Variants in C12orf42 observed in about 807,000 individuals in gnomAD.
C12orf42 encodes the protein chromosome 12 open reading frame 42.
C12orf42 carries 25 observed loss-of-function variants against 21.6 expected under a neutral mutation model. The observed-to-expected ratio is 1.16, with a 90% CI of 0.84 to 1.62. The LOEUF is 1.62. Ranked by LOEUF, C12orf42 falls within the 40% of genes most tolerant of loss-of-function variation. C12orf42 has a pLI of 0.00. For missense variants in C12orf42, 483 were observed against 459.3 expected, an observed-to-expected ratio of 1.05 and a Z score of -0.47; for synonymous variants, 174 against 175.0, an observed-to-expected ratio of 0.99 and a Z score of 0.05.
At chr12:103,361,733 T>C (rs1159549395) in intron 4 of C12orf42, among the ~76,000 whole-genome samples, 1 of 151,988 alleles carries the variant, frequency 6.6e-6, no homozygotes, top group Non-Finnish European at 1.5e-5. Context: ...GACTGCCAGC[T>C]TTCCCCCACT....
At chr12:103,272,387 A>G (rs1173402529) in intron 5 of C12orf42, among the ~76,000 whole-genome samples, 1 of 152,110 alleles carries the variant, frequency 6.6e-6, no homozygotes, top group Non-Finnish European at 1.5e-5. Context: ...TTTACTCCCT[A>G]CCCAGCACCA....
At chr12:103,520,218 C>G in the C12orf42 span, among the ~76,000 whole-genome samples, 1 of 152,186 alleles carries the variant, frequency 6.6e-6, no homozygotes, top group Admixed American at 6.5e-5. Flanking sequence ...CATGTAGTCC[C>G]AGGCGAGGAC....
intron 10 of C12orf42, among the ~76,000 whole-genome samples, chr12:103,255,883 C>G (rs143443361): frequency 0.01 from 1,556 of 149,868 alleles, 25 homozygotes; most frequent in African/African-American, 0.036. Flanking sequence ...AACCCCGTCT[C>G]TACTAAAAAT....
the C12orf42 span, among the ~76,000 whole-genome samples, chr12:103,087,568 A>G: frequency 1.3e-5 from 2 of 152,246 alleles, no homozygotes; most frequent in East Asian, 3.8e-4. Flanking sequence ...GTTATCTGAG[A>G]GTGGTTTACA....
upstream of C12orf42, among the ~76,000 whole-genome samples, chr12:103,498,003 C>G (rs1955613231): frequency 6.6e-6 from 1 of 151,714 alleles, no homozygotes; most frequent in Non-Finnish European, 1.5e-5. Flanking sequence ...CCACTTCACT[C>G]CAGCCTGGGT....
At chr12:103,056,282 G>C in the C12orf42 span, among the ~76,000 whole-genome samples, 1,614 of 152,194 alleles carry the variant, frequency 0.011, 15 homozygotes, top group Non-Finnish European at 0.018. Flanking sequence ...GAAAAATATT[G>C]TGCTAGTTTT....
chr12:103,516,402 T>C, the C12orf42 span, among the ~76,000 whole-genome samples: 2 of 152,214 alleles, frequency 1.3e-5, no homozygotes, highest in Non-Finnish European at 2.9e-5. Context: ...AATAGCATTT[T>C]ATAAACATTA....
the C12orf42 span, among the ~76,000 whole-genome samples, chr12:103,086,911 T>C: frequency 6.2e-4 from 94 of 152,128 alleles, no homozygotes; most frequent in Non-Finnish European, 1.0e-3. Context: ...AGTTTGGAAG[T>C]TGGCAAACTA....
At chr12:103,143,554 C>G in the C12orf42 span, among the ~76,000 whole-genome samples, 1 of 152,202 alleles carries the variant, frequency 6.6e-6, no homozygotes, top group Non-Finnish European at 1.5e-5. Flanking sequence ...TCCCCACCCC[C>G]ATTGCTGGGA....
the C12orf42 span, among the ~76,000 whole-genome samples, chr12:103,551,536 GC>G: frequency 6.6e-6 from 1 of 152,056 alleles, no homozygotes; most frequent in Non-Finnish European, 1.5e-5. Context: ...AATATTAAAG[GC>G]TGGGCTTGGT....
At position 103,369,031 on chromosome 12, in the gene C12orf42, A is replaced by AAT. The variant is rs1172113151; in HGVS notation, c.148-34_148-33insAT. ...ATAGAGGAGAAAAATACACACAAAA[A>AAT]AATTAGGTCAATGGCTCCAGAATAA... On this transcript the variant is annotated intron_variant, in intron 3 of 5. Coordinates refer to ENST00000548883, the MANE Select transcript of C12orf42 (RefSeq NM_198521.5). 4 of 1,226,714 alleles carry AAT rather than the reference A, an allele frequency of 3.3e-6. No homozygotes were observed. In the African/African-American group the frequency reaches 6.1e-5, roughly 19 times the overall value. The allele number at this position is 1,226,714 out of a possible 1,614,324, so 76.0% of individuals were successfully genotyped here.
chr12:103,058,268 T>C, the C12orf42 span, among the ~76,000 whole-genome samples: 4 of 152,314 alleles, frequency 2.6e-5, no homozygotes, highest in East Asian at 3.9e-4. Context: ...GAGCTTTTTT[T>C]CATGTTTGTT....
the C12orf42 span, among the ~76,000 whole-genome samples, chr12:103,231,968 G>T: frequency 1.3e-5 from 2 of 152,130 alleles, no homozygotes; most frequent in African/African-American, 2.4e-5. Context: ...ATCCTTGTCA[G>T]CATTTGATGT....
the C12orf42 span, among the ~76,000 whole-genome samples, chr12:103,505,166 G>T: frequency 6.6e-5 from 10 of 152,144 alleles, no homozygotes; most frequent in Non-Finnish European, 1.5e-4. Context: ...TTTAACAATG[G>T]ATGAGAACAG....
At chr12:103,406,325 G>A (rs1190583234) in intron 2 of C12orf42, among the ~76,000 whole-genome samples, 1 of 152,194 alleles carries the variant, frequency 6.6e-6, no homozygotes, top group Non-Finnish European at 1.5e-5. Flanking sequence ...ACTGATCTTT[G>A]TAGATAGCTG....
intron 2 of C12orf42, among the ~76,000 whole-genome samples, chr12:103,458,047 G>C (rs1952431979): frequency 1.3e-5 from 2 of 152,110 alleles, no homozygotes; most frequent in Admixed American, 1.3e-4. Context: ...TGGTCATCTT[G>C]AAACAAAGAA....
the C12orf42 span, among the ~76,000 whole-genome samples, chr12:103,200,811 C>G: frequency 6.6e-6 from 1 of 152,078 alleles, no homozygotes; most frequent in South Asian, 2.1e-4. Flanking sequence ...AGTTTTAGAC[C>G]AAGAATTTTA....
chr12:103,325,028 G>C (rs1209369447), intron 4 of C12orf42, among the ~76,000 whole-genome samples: 3 of 152,222 alleles, frequency 2.0e-5, no homozygotes, highest in Non-Finnish European at 4.4e-5. Flanking sequence ...GGGAGCTCCT[G>C]ATAGTTGGGG....
At chr12:103,375,718 A>C (rs561297673) in intron 3 of C12orf42, among the ~76,000 whole-genome samples, 2 of 152,282 alleles carry the variant, frequency 1.3e-5, no homozygotes, top group Admixed American at 1.3e-4. Flanking sequence ...AAAAAGTTTT[A>C]TATTTTAGTA....
Sources: gnomAD v4.1 joint callset for allele counts (sites outside exome capture counted in the v4.1 genomes callset) on GRCh38, gnomAD v4.1.1 for gene constraint, MANE v1.5 for transcripts, NCBI Gene and HGNC (gene_info 2026-07-23, HGNC 2026-07-21) for gene names.